Variants in FHIT observed in about 807,000 individuals in gnomAD.
FHIT encodes the protein fragile histidine triad diadenosine triphosphatase.
In FHIT, 19 loss-of-function variants were observed where a neutral mutation model predicts 17.9. That is an observed-to-expected ratio of 1.06 (90% CI 0.74 to 1.56). The LOEUF (loss-of-function observed/expected upper bound fraction) is 1.56, where lower values mean the gene tolerates loss of function less well. Among genes scored for constraint, FHIT ranks in the 40% most tolerant of loss-of-function variants. The pLI is 0.00. For missense variants in FHIT, 248 were observed against 189.2 expected (o/e 1.31, Z -1.82); for synonymous variants, 81 against 69.7 (o/e 1.16, Z -0.81).
intron 4 of FHIT, among the ~76,000 whole-genome samples, chr3:60,704,923 T>G (rs1405942074): frequency 6.6e-6 from 1 of 152,056 alleles, no homozygotes; most frequent in East Asian, 1.9e-4. Context: ...AAAATTAAAC[T>G]ATTTAACTGG....
intron 5 of FHIT, among the ~76,000 whole-genome samples, chr3:60,044,762 C>T (rs1320102318): frequency 6.6e-6 from 1 of 152,018 alleles, no homozygotes; most frequent in East Asian, 1.9e-4. Context: ...ATCATCAAAA[C>T]CAAACAGAAG....
At chr3:60,620,673 A>G (rs1373175848) in intron 4 of FHIT, among the ~76,000 whole-genome samples, 2 of 151,910 alleles carry the variant, frequency 1.3e-5, no homozygotes, top group Non-Finnish European at 2.9e-5. Context: ...ATGGCTAGAT[A>G]GAACATAGGA....
chr3:61,248,537 G>C (rs1376309827), intron 1 of FHIT, among the ~76,000 whole-genome samples: 3 of 152,182 alleles, frequency 2.0e-5, no homozygotes, highest in Non-Finnish European at 4.4e-5. Context: ...GTTCATATTA[G>C]AGGGTCAGAT....
At chr3:60,909,298 G>A (rs1196622853) in intron 3 of FHIT, among the ~76,000 whole-genome samples, 1 of 151,648 alleles carries the variant, frequency 6.6e-6, no homozygotes, top group Non-Finnish European at 1.5e-5. Context: ...GAACCCGGAA[G>A]GTGGAGGTTG....
intron 4 of FHIT, among the ~76,000 whole-genome samples, chr3:60,593,042 C>T (rs368876258): frequency 1.3e-5 from 2 of 152,124 alleles, no homozygotes; most frequent in South Asian, 4.1e-4. Context: ...TAAAGAGAAG[C>T]CTGCCCATCG....
chr3:60,794,583 A>G (rs1323947630), intron 4 of FHIT, among the ~76,000 whole-genome samples: 6 of 152,230 alleles, frequency 3.9e-5, no homozygotes, highest in Admixed American at 3.3e-4. Flanking sequence ...CTGCCACTTG[A>G]GAAGTAGTGC....
chr3:60,428,238 C>T (rs1479452851), intron 5 of FHIT, among the ~76,000 whole-genome samples: 1 of 152,076 alleles, frequency 6.6e-6, no homozygotes, highest in Non-Finnish European at 1.5e-5. Context: ...CTTTGGGTCT[C>T]AGTTTCCTCA....
intron 5 of FHIT, among the ~76,000 whole-genome samples, chr3:60,285,245 A>G (rs1166344729): frequency 6.6e-6 from 1 of 152,114 alleles, no homozygotes; most frequent in African/African-American, 2.4e-5. Flanking sequence ...CACTCCACCA[A>G]GCACCTGTGT....
intron 7 of FHIT, among the ~76,000 whole-genome samples, chr3:59,974,612 G>C (rs1183259089): frequency 2.0e-5 from 3 of 152,112 alleles, no homozygotes; most frequent in Non-Finnish European, 2.9e-5. Flanking sequence ...TGAAGGATGA[G>C]TCTATGTAAA....
intron 5 of FHIT, among the ~76,000 whole-genome samples, chr3:60,226,487 A>C (rs978268011): frequency 6.6e-6 from 1 of 150,704 alleles, no homozygotes; most frequent in African/African-American, 2.5e-5. Context: ...AAAAAAAAAA[A>C]AAAAAAACAC....
At chr3:61,247,413 C>G (rs1189243085) in intron 1 of FHIT, among the ~76,000 whole-genome samples, 1 of 152,196 alleles carries the variant, frequency 6.6e-6, no homozygotes, top group African/African-American at 2.4e-5. Flanking sequence ...CACTCTAACC[C>G]TGAGCCTCCT....
intron 5 of FHIT, among the ~76,000 whole-genome samples, chr3:60,311,377 C>T (rs939988938): frequency 1.3e-5 from 2 of 151,996 alleles, no homozygotes; most frequent in Non-Finnish European, 2.9e-5. Flanking sequence ...ATTGGTTATG[C>T]TTCTCAGGGT....
intron 3 of FHIT, among the ~76,000 whole-genome samples, chr3:60,969,731 G>T (rs1204139700): frequency 6.6e-6 from 1 of 152,106 alleles, no homozygotes; most frequent in Non-Finnish European, 1.5e-5. Flanking sequence ...GTTCAGAAGT[G>T]CTTATGTCTA....
At chr3:60,930,002 G>T (rs1474502004) in intron 3 of FHIT, among the ~76,000 whole-genome samples, 1 of 152,168 alleles carries the variant, frequency 6.6e-6, no homozygotes, top group Non-Finnish European at 1.5e-5. Flanking sequence ...GCATGGTACT[G>T]GTACCAAAAC....
chr3:60,013,983 T>C (rs2106697141), intron 6 of FHIT, 24 bp downstream of exon 6: 2 of 1,611,536 alleles, frequency 1.2e-6, no homozygotes, highest in Non-Finnish European at 1.7e-6. Flanking sequence ...AGAAAAATCA[T>C]TTCTGAGAAA....
At chr3:59,867,566 T>G (rs1255435312) in intron 8 of FHIT, among the ~76,000 whole-genome samples, 1 of 152,112 alleles carries the variant, frequency 6.6e-6, no homozygotes, top group African/African-American at 2.4e-5. Flanking sequence ...TTGCTTTATT[T>G]TGTGATTACT....
chr3:60,505,169 T>C (rs1405858888), intron 5 of FHIT, among the ~76,000 whole-genome samples: 2 of 152,196 alleles, frequency 1.3e-5, no homozygotes, highest in Non-Finnish European at 2.9e-5. Context: ...TTTTTTTCCT[T>C]CCTTTATTTT....
rs182860683 is a variant in FHIT, at chr3:59,866,919, C to A, written c.348+55427G>T. Among the ~76,000 whole-genome samples the A allele has an allele frequency of 5.9e-3, 895 of 151,930 alleles. 8 individuals carry two copies. Among genetic ancestry groups the A allele is most frequent in the Non-Finnish European group, 9.5e-3 (643 of 67,972 alleles). The stretch of plus-strand genomic sequence containing the variant: ...AGGAAGGTTTTATGTCACCGCTGCT[C>A]GGCTTCTTTTTGTGCTTTGATTACC... On this transcript the variant is annotated intron_variant, in intron 8 of 9. Coordinates refer to ENST00000492590, the MANE Select transcript of FHIT (RefSeq NM_002012.4).
chr3:60,521,449 G>A (rs566147775), intron 5 of FHIT, among the ~76,000 whole-genome samples: 64 of 152,128 alleles, frequency 4.2e-4, no homozygotes, highest in East Asian at 1.9e-3. Flanking sequence ...GGGTTTCACC[G>A]TGTTAGCCAG....
Sources: allele counts gnomAD v4.1 joint callset (sites outside exome capture counted in the v4.1 genomes callset), GRCh38; gene constraint gnomAD v4.1.1; transcripts MANE v1.5; gene names NCBI Gene and HGNC (gene_info 2026-07-23, HGNC 2026-07-21).